Variants in ZFHX3 observed in about 807,000 individuals in gnomAD.
The protein encoded by ZFHX3 is zinc finger homeobox protein 3.
Under a neutral mutation model 279.1 loss-of-function variants are expected in ZFHX3, and 42 were observed. The ratio of observed to expected loss-of-function variants is 0.15; its 90% confidence interval spans 0.12 to 0.19. The LOEUF (loss-of-function observed/expected upper bound fraction) is 0.19, where lower values mean the gene tolerates loss of function less well. Among genes scored for constraint, ZFHX3 ranks in the 10% least tolerant of loss-of-function variants. ZFHX3 has a pLI of 1.00. For missense variants in ZFHX3, 4,981 were observed against 4,754.0 expected, an observed-to-expected ratio of 1.05 and a Z score of -1.40; for synonymous variants, 2,293 against 1,957.8, an observed-to-expected ratio of 1.17 and a Z score of -4.52.
At chr16:73,002,692 A>G (rs1486740706) in intron 1 of ZFHX3, among the ~76,000 whole-genome samples, 1 of 152,186 alleles carries the variant, frequency 6.6e-6, no homozygotes, top group Non-Finnish European at 1.5e-5. Flanking sequence ...AATTAAAGCT[A>G]AGTAGCCTAA....
chr16:73,562,425 C>T (rs562952847), intron 2 of ZFHX3, among the ~76,000 whole-genome samples: 1 of 151,958 alleles, frequency 6.6e-6, no homozygotes, highest in Non-Finnish European at 1.5e-5. Context: ...GAAACCCTGT[C>T]TCTACTAAAA....
chr16:73,657,800 A>C (rs2052737914), intron 2 of ZFHX3, among the ~76,000 whole-genome samples: 2 of 152,182 alleles, frequency 1.3e-5, no homozygotes, highest in Admixed American at 6.5e-5. Flanking sequence ...CTATGGCTGA[A>C]TAGTATTCCG....
At chr16:73,613,039 T>G in intron 2 of ZFHX3, among the ~76,000 whole-genome samples, 1 of 152,150 alleles carries the variant, frequency 6.6e-6, no homozygotes, top group Middle Eastern at 3.2e-3. Context: ...TAATAAGATA[T>G]CAAGCTGGAG....
At chr16:73,464,916 G>A (rs931950566) in intron 2 of ZFHX3, among the ~76,000 whole-genome samples, 2 of 152,136 alleles carry the variant, frequency 1.3e-5, no homozygotes, top group Admixed American at 6.5e-5. Context: ...CCCTTGGAAG[G>A]CCTGGACACA....
intron 5 of ZFHX3, 78 bp from the exon 6 acceptor site, chr16:72,812,116 A>T: frequency 6.5e-7 from 1 of 1,540,516 alleles, no homozygotes; most frequent in Non-Finnish European, 8.7e-7. Context: ...GGTGAAAATC[A>T]ACATTCATTT....
chr16:73,096,183 C>A (rs1321682174), intron 7 of ZFHX3, among the ~76,000 whole-genome samples: 2 of 151,852 alleles, frequency 1.3e-5, no homozygotes, highest in African/African-American at 2.4e-5. Flanking sequence ...CCTGCCTGCT[C>A]CGGCTGCCTG....
intron 3 of ZFHX3, among the ~76,000 whole-genome samples, chr16:73,452,740 G>C (rs997665338): frequency 9.9e-5 from 15 of 152,192 alleles, no homozygotes; most frequent in African/African-American, 3.4e-4. Context: ...CCTGTCTAAA[G>C]TTTCAAGGTA....
chr16:73,547,902 C>A (rs1018673209), intron 2 of ZFHX3, among the ~76,000 whole-genome samples: 1 of 152,168 alleles, frequency 6.6e-6, no homozygotes, highest in Non-Finnish European at 1.5e-5. Flanking sequence ...ACGCAATGCT[C>A]AATGTTACTT....
In ZFHX3 at chr16:73,416,731, G is replaced by A. The variant is rs888211067; in HGVS notation, c.-1291+39272C>T. On this transcript the variant is annotated intron_variant, in intron 3 of 17. Coordinates refer to the ZFHX3 transcript ENST00000641206. ...CTACTAAAAATACAAAAAATTAGCC[G>A]GGTGCGGTGGCGGGCGCCTGTAGTC... Among the ~76,000 whole-genome samples, 24 of 150,302 alleles carry A rather than the reference G, an allele frequency of 1.6e-4. 1 individual carries two copies. Among genetic ancestry groups the A allele is most frequent in the Non-Finnish European group, 2.2e-4 (15 of 67,118 alleles).
chr16:72,976,918 C>T (rs867468799), intron 1 of ZFHX3, among the ~76,000 whole-genome samples: 2 of 152,218 alleles, frequency 1.3e-5, no homozygotes, highest in African/African-American at 2.4e-5. Context: ...ACGGGGGTCT[C>T]GCCTTCAGTC....
chr16:73,609,974 G>C (rs1174793024), intron 2 of ZFHX3: 1 of 152,044 alleles, frequency 6.6e-6, no homozygotes, highest in African/African-American at 2.4e-5. Context: ...GTGGGTGGTG[G>C]GGACAGTCAG....
At chr16:73,652,019 C>T (rs1409156018) in intron 2 of ZFHX3, among the ~76,000 whole-genome samples, 3 of 152,050 alleles carry the variant, frequency 2.0e-5, no homozygotes, top group Non-Finnish European at 2.9e-5. Flanking sequence ...GTTTTAAACC[C>T]TCTACACAGG....
chr16:72,827,769 T>G (rs909784443), intron 5 of ZFHX3, among the ~76,000 whole-genome samples: 1 of 152,152 alleles, frequency 6.6e-6, no homozygotes. Context: ...CCTAGGGTGT[T>G]TGACCCTCAT....
chr16:73,532,150 G>T (rs148705874), intron 2 of ZFHX3, among the ~76,000 whole-genome samples: 3 of 152,214 alleles, frequency 2.0e-5, no homozygotes, highest in African/African-American at 4.8e-5. Flanking sequence ...GATACGGTTT[G>T]TCTGCGTCCC....
chr16:73,041,625 G>A (rs950130622), intron 1 of ZFHX3, among the ~76,000 whole-genome samples: 1 of 152,182 alleles, frequency 6.6e-6, no homozygotes, highest in African/African-American at 2.4e-5. Context: ...GATTCCATCA[G>A]AACAGAGATG....
intron 4 of ZFHX3, among the ~76,000 whole-genome samples, chr16:73,313,181 ATGCT>A (rs1175509954): frequency 6.6e-6 from 1 of 152,130 alleles, no homozygotes; most frequent in Non-Finnish European, 1.5e-5. Flanking sequence ...ATATTAAGAC[ATGCT>A]TGCTTTCCCT....
intron 3 of ZFHX3, among the ~76,000 whole-genome samples, chr16:72,897,539 G>A (rs2038929177): frequency 6.6e-6 from 1 of 152,014 alleles, no homozygotes. Flanking sequence ...TCCCCAGGCT[G>A]AGGTGATCCT....
chr16:72,852,510 T>A (rs1025128873), intron 4 of ZFHX3, among the ~76,000 whole-genome samples: 2 of 152,212 alleles, frequency 1.3e-5, no homozygotes, highest in African/African-American at 4.8e-5. Flanking sequence ...TGACTGGCTA[T>A]TACTACTACA....
chr16:73,426,094 A>G (rs1417322909), intron 3 of ZFHX3, among the ~76,000 whole-genome samples: 2 of 152,102 alleles, frequency 1.3e-5, no homozygotes, highest in Admixed American at 1.3e-4. Flanking sequence ...CTAACTGGTG[A>G]GTCCCAGCTG....
Sources: allele counts gnomAD v4.1 joint callset (sites outside exome capture counted in the v4.1 genomes callset), GRCh38; gene constraint gnomAD v4.1.1; transcripts MANE v1.5; gene names NCBI Gene and HGNC (gene_info 2026-07-23, HGNC 2026-07-21).